Variants in EPB41L4A observed in about 807,000 individuals in gnomAD.
EPB41L4A encodes the protein erythrocyte membrane protein band 4.1 like 4A.
EPB41L4A carries 100 observed loss-of-function variants against 108.6 expected under a neutral mutation model. That is an observed-to-expected ratio of 0.92 (90% confidence interval 0.78 to 1.09). EPB41L4A has a LOEUF of 1.09. EPB41L4A is among the 50% of genes least tolerant of loss of function. EPB41L4A has a pLI of 0.00. For synonymous variants in EPB41L4A, 319 were observed against 289.0 expected (o/e 1.10, Z -1.05); for missense variants, 1,030 against 842.7 (o/e 1.22, Z -2.75).
intron 12 of EPB41L4A, among the ~76,000 whole-genome samples, chr5:112,220,930 C>A (rs1452242387): frequency 6.6e-6 from 1 of 152,136 alleles, no homozygotes. Flanking sequence ...TTAGAATATA[C>A]CCTTTTGTCC....
At chr5:112,258,150 G>A (rs1206394307) in intron 9 of EPB41L4A, among the ~76,000 whole-genome samples, 2 of 152,226 alleles carry the variant, frequency 1.3e-5, no homozygotes, top group African/African-American at 4.8e-5. Context: ...ATATAGTTCA[G>A]GATGAGATAA....
At chr5:112,412,672 C>T (rs544415150) in intron 1 of EPB41L4A, among the ~76,000 whole-genome samples, 22 of 152,186 alleles carry the variant, frequency 1.4e-4, no homozygotes, top group Admixed American at 7.2e-4. Context: ...CAGAAACAAA[C>T]GGTGGTTAGT....
chr5:112,369,054 TTA>T (rs1759318447), intron 1 of EPB41L4A, among the ~76,000 whole-genome samples: 1 of 152,300 alleles, frequency 6.6e-6, no homozygotes, highest in Admixed American at 6.5e-5. Flanking sequence ...GCTATAGATA[TTA>T]TATTTAGATG....
At chr5:112,397,058 T>C (rs1036494490) in intron 1 of EPB41L4A, among the ~76,000 whole-genome samples, 6 of 152,222 alleles carry the variant, frequency 3.9e-5, no homozygotes, top group African/African-American at 9.6e-5. Flanking sequence ...TTATACCCAA[T>C]AGGTAATTTA....
At position 112,419,199 on chromosome 5, in the gene EPB41L4A, G is replaced by A. The variant is rs1762918266; in HGVS notation, c.-160C>T. On this transcript the variant is annotated 5_prime_UTR_variant, in exon 1 of 23. Transcript: ENST00000261486. ...CCGGGGACCGGCCGCCGAACCGCCC[G>A]GCGGGGCGGGAGCGAGAAAGGCGGA... is the stretch of plus-strand genomic sequence containing the variant. The A allele has an allele frequency of 3.8e-6, 2 of 525,808 alleles. No individual in the cohort carries two copies. The highest frequency in any genetic ancestry group is 3.6e-5 in the East Asian group (1 of 28,096). 32.6% of individuals were successfully genotyped at this position (525,808 alleles called of 1,614,324 possible).
intron 18 of EPB41L4A, among the ~76,000 whole-genome samples, chr5:112,176,743 CTTTTTTTTTTT>C (rs59150913): frequency 1.4e-4 from 9 of 65,850 alleles, no homozygotes; most frequent in South Asian, 9.3e-4. Context: ...ACCAGAGCAA[CTTTTTTTTTTT>C]TTTTTTTTTT....
chr5:112,338,463 A>G (rs1406803558), intron 1 of EPB41L4A, among the ~76,000 whole-genome samples: 3 of 152,002 alleles, frequency 2.0e-5, no homozygotes, highest in East Asian at 1.9e-4. Flanking sequence ...AGCCCAATAC[A>G]TGGTCATACC....
intron 13 of EPB41L4A, among the ~76,000 whole-genome samples, chr5:112,206,523 A>G (rs956834980): frequency 2.0e-5 from 3 of 152,220 alleles, no homozygotes; most frequent in Non-Finnish European, 2.9e-5. Flanking sequence ...TACAGATTCA[A>G]TTCCCAAAGT....
At chr5:112,370,471 T>C (rs902401945) in intron 1 of EPB41L4A, among the ~76,000 whole-genome samples, 2 of 152,184 alleles carry the variant, frequency 1.3e-5, no homozygotes, top group Admixed American at 6.5e-5. Context: ...ATGTGTCCAG[T>C]TTACAATATT....
At chr5:112,214,855 ATAAAGT>A (rs749718501) in intron 12 of EPB41L4A, among the ~76,000 whole-genome samples, 1 of 152,188 alleles carries the variant, frequency 6.6e-6, no homozygotes, top group Non-Finnish European at 1.5e-5. Context: ...TACTTTCTAG[ATAAAGT>A]TAAACAGTTG....
intron 12 of EPB41L4A, among the ~76,000 whole-genome samples, chr5:112,214,560 G>C (rs1046933025): frequency 6.6e-6 from 1 of 152,020 alleles, no homozygotes; most frequent in Non-Finnish European, 1.5e-5. Flanking sequence ...TCAGGAGATC[G>C]AGACCATCCT....
intron 1 of EPB41L4A, among the ~76,000 whole-genome samples, chr5:112,399,150 A>G (rs149303851): frequency 1.3e-5 from 2 of 151,984 alleles, no homozygotes; most frequent in East Asian, 1.9e-4. Context: ...TGATCATCAC[A>G]TATCACCAGC....
At chr5:112,308,277 A>C (rs1252587118) in intron 1 of EPB41L4A, among the ~76,000 whole-genome samples, 2 of 152,188 alleles carry the variant, frequency 1.3e-5, no homozygotes, top group Non-Finnish European at 2.9e-5. Context: ...TAATAAAAGA[A>C]ATCCCACAAC....
chr5:112,279,022 G>A (rs764665674), intron 3 of EPB41L4A, among the ~76,000 whole-genome samples: 12 of 134,502 alleles, frequency 8.9e-5, no homozygotes, highest in Admixed American at 1.7e-4. Flanking sequence ...CCAAGAGCTC[G>A]CCACTGCACT....
At chr5:112,210,076 G>A in intron 12 of EPB41L4A, 94 bp from the exon 13 acceptor site, 2 of 693,568 alleles carry the variant, frequency 2.9e-6, no homozygotes, top group Non-Finnish European at 4.9e-6. Context: ...GCAATTTTAG[G>A]GACACTGTGG....
chr5:112,244,156 C>T (rs1750024713), intron 9 of EPB41L4A, among the ~76,000 whole-genome samples: 1 of 152,168 alleles, frequency 6.6e-6, no homozygotes, highest in Non-Finnish European at 1.5e-5. Flanking sequence ...TATTAACTGA[C>T]CTAGTTTCAA....
chr5:112,167,671 C>T (rs550648027), intron 22 of EPB41L4A, among the ~76,000 whole-genome samples: 16 of 152,264 alleles, frequency 1.1e-4, no homozygotes, highest in Non-Finnish European at 1.9e-4. Context: ...CTCTAGAGCT[C>T]CCTGTGCGGA....
intron 6 of EPB41L4A, chr5:112,263,723 G>T (rs191254657): frequency 6.6e-6 from 1 of 152,150 alleles, no homozygotes. Context: ...TTCTCTGACT[G>T]CAATTCAGCA....
intron 3 of EPB41L4A, among the ~76,000 whole-genome samples, chr5:112,278,050 T>G (rs919064220): frequency 6.6e-6 from 1 of 152,106 alleles, no homozygotes; most frequent in Non-Finnish European, 1.5e-5. Context: ...CAAGGAGAAA[T>G]AAATCAAGAT....
Sources: gnomAD v4.1 joint callset for allele counts (sites outside exome capture counted in the v4.1 genomes callset) on GRCh38, gnomAD v4.1.1 for gene constraint, MANE v1.5 for transcripts, NCBI Gene and HGNC (gene_info 2026-07-23, HGNC 2026-07-21) for gene names.